Variants in DPF3 observed in about 807,000 individuals in gnomAD.
DPF3 encodes double PHD fingers 3.
DPF3 carries 18 observed loss-of-function variants against 56.8 expected under a neutral mutation model. The ratio of observed to expected loss-of-function variants is 0.32; its 90% CI spans 0.22 to 0.47. DPF3 has a LOEUF of 0.47. Ranked by LOEUF, DPF3 falls within the 20% of genes least tolerant of loss-of-function variation. The pLI is 1.00. For missense variants in DPF3, 403 were observed against 488.8 expected, an observed-to-expected ratio of 0.82 and a Z score of 1.65; for synonymous variants, 188 against 180.2, an observed-to-expected ratio of 1.04 and a Z score of -0.35.
intron 5 of DPF3, among the ~76,000 whole-genome samples, chr14:72,717,021 A>G (rs1888960704): frequency 6.6e-6 from 1 of 152,198 alleles, no homozygotes; most frequent in African/African-American, 2.4e-5. Context: ...GAAAGACAGG[A>G]GCCCATGGTC....
At chr14:72,856,671 C>T (rs1273009968) in intron 1 of DPF3, among the ~76,000 whole-genome samples, 1 of 152,208 alleles carries the variant, frequency 6.6e-6, no homozygotes, top group Non-Finnish European at 1.5e-5. Flanking sequence ...GCTGTTTCCT[C>T]CTCCATCTGC....
intron 8 of DPF3, among the ~76,000 whole-genome samples, chr14:72,647,103 C>T (rs766288110): frequency 3.3e-5 from 5 of 152,168 alleles, no homozygotes; most frequent in Non-Finnish European, 7.3e-5. Context: ...AATGAGGGCT[C>T]GAAAGCCTTT....
At chr14:72,665,674 T>C (rs963063370) in intron 8 of DPF3, among the ~76,000 whole-genome samples, 4 of 152,202 alleles carry the variant, frequency 2.6e-5, no homozygotes, top group African/African-American at 9.7e-5. Context: ...AAAGGACTTG[T>C]AAGAGGACAT....
intron 1 of DPF3, among the ~76,000 whole-genome samples, chr14:72,791,736 A>G (rs4899444): frequency 0.88 from 134,676 of 152,300 alleles, 59,759 homozygotes; most frequent in East Asian, 0.98. Flanking sequence ...GAGAAAAACA[A>G]GTTCACAGAG....
At chr14:72,867,241 G>A (rs1334610826) in intron 1 of DPF3, among the ~76,000 whole-genome samples, 1 of 152,104 alleles carries the variant, frequency 6.6e-6, no homozygotes, top group African/African-American at 2.4e-5. Context: ...AGCAAAAAAT[G>A]TTGAGCACAT....
chr14:72,861,178 C>T (rs958187659), intron 1 of DPF3, among the ~76,000 whole-genome samples: 18 of 152,116 alleles, frequency 1.2e-4, no homozygotes, highest in African/African-American at 3.9e-4. Flanking sequence ...CCCTCTCTCG[C>T]TCACTCTGTG....
intron 2 of DPF3, among the ~76,000 whole-genome samples, chr14:72,764,502 T>G (rs1361251771): frequency 2.9e-5 from 4 of 137,952 alleles, no homozygotes; most frequent in Non-Finnish European, 4.7e-5. Context: ...TTTTTTTTTT[T>G]TTTTTTTTTT....
chr14:72,861,276 G>A (rs1396302016), intron 1 of DPF3, among the ~76,000 whole-genome samples: 2 of 152,086 alleles, frequency 1.3e-5, no homozygotes, highest in Non-Finnish European at 2.9e-5. Context: ...TCAGAACTGT[G>A]ACATGTAGTA....
chr14:72,844,900 G>C (rs1008115174), intron 1 of DPF3, among the ~76,000 whole-genome samples: 2 of 152,148 alleles, frequency 1.3e-5, no homozygotes, highest in Admixed American at 1.3e-4. Context: ...AAGGCCAGAC[G>C]ATCACAACCA....
At chr14:72,770,477 G>T (rs1208135342) in intron 2 of DPF3, among the ~76,000 whole-genome samples, 3 of 152,194 alleles carry the variant, frequency 2.0e-5, no homozygotes, top group Admixed American at 1.3e-4. Context: ...AAGTCTTATT[G>T]CTAATTATTT....
At chr14:72,891,459 T>C (rs931158212) in intron 1 of DPF3, among the ~76,000 whole-genome samples, 2 of 152,156 alleles carry the variant, frequency 1.3e-5, no homozygotes, top group African/African-American at 4.8e-5. Context: ...CCCTCCTCCC[T>C]GCACCACCAC....
chr14:72,683,762 G>A (rs2153571877), intron 7 of DPF3, among the ~76,000 whole-genome samples: 1 of 152,254 alleles, frequency 6.6e-6, no homozygotes, highest in Admixed American at 6.5e-5. Flanking sequence ...AATCAGGTTG[G>A]AATTCATAGA....
intron 1 of DPF3, among the ~76,000 whole-genome samples, chr14:72,864,898 A>G (rs1439230877): frequency 6.6e-6 from 1 of 152,242 alleles, no homozygotes; most frequent in African/African-American, 2.4e-5. Flanking sequence ...AGTAGGGGAC[A>G]GAGTCCAGAG....
chr14:72,806,459 T>G (rs1882787769), intron 1 of DPF3, among the ~76,000 whole-genome samples: 1 of 152,114 alleles, frequency 6.6e-6, no homozygotes, highest in African/African-American at 2.4e-5. Flanking sequence ...CTCTCCACAC[T>G]CCGCTCTTAT....
intron 8 of DPF3, chr14:72,670,461 G>T: frequency 1.0e-5 from 10 of 985,982 alleles, no homozygotes; most frequent in Non-Finnish European, 1.2e-5. Context: ...ACATTTTCTC[G>T]CAAGCAGAGA....
chr14:72,773,699 T>C, intron 1 of DPF3: 1 of 398,744 alleles, frequency 2.5e-6, no homozygotes, highest in East Asian at 7.0e-5. Context: ...AAGTACTTCA[T>C]AAAAGTGGAG....
chr14:72,796,870 G>C (rs1892668505), intron 1 of DPF3, among the ~76,000 whole-genome samples: 1 of 152,182 alleles, frequency 6.6e-6, no homozygotes, highest in Non-Finnish European at 1.5e-5. Flanking sequence ...AAGAGGTAGG[G>C]AGGTTTAGAG....
intron 3 of DPF3, among the ~76,000 whole-genome samples, chr14:72,747,059 T>G (rs1042428147): frequency 6.6e-6 from 1 of 152,224 alleles, no homozygotes; most frequent in South Asian, 2.1e-4. Context: ...AATAGCTGCC[T>G]GCCTCAGTCC....
intron 1 of DPF3, among the ~76,000 whole-genome samples, chr14:72,834,659 C>CA (rs1488823428): frequency 6.6e-6 from 1 of 152,070 alleles, no homozygotes; most frequent in Non-Finnish European, 1.5e-5. Flanking sequence ...ACTTCAAACA[C>CA]AGAGTTATTA....
Sources: gnomAD v4.1 joint callset for allele counts (sites outside exome capture counted in the v4.1 genomes callset) on GRCh38, gnomAD v4.1.1 for gene constraint, MANE v1.5 for transcripts, NCBI Gene and HGNC (gene_info 2026-07-23, HGNC 2026-07-21) for gene names.